RELN: variants seen among roughly 807,000 people sequenced by gnomAD.
RELN encodes reelin.
RELN carries 108 observed loss-of-function variants against 427.6 expected under a neutral mutation model. That is an observed-to-expected ratio of 0.25 (90% CI 0.22 to 0.30). The LOEUF (loss-of-function observed/expected upper bound fraction) is 0.30. Ranked by LOEUF, RELN falls within the 10% of genes least tolerant of loss-of-function variation. The probability of loss-of-function intolerance (pLI) is 1.00; values close to 1 mark genes in which losing one functional copy is unlikely to be tolerated. For synonymous variants in RELN, 1,524 were observed against 1,513.4 expected (o/e 1.01, Z -0.16); for missense variants, 3,715 against 4,302.8 (o/e 0.86, Z 3.82).
At chr7:103,604,984 C>A (rs1831782602) in intron 22 of RELN, among the ~76,000 whole-genome samples, 1 of 152,124 alleles carries the variant, frequency 6.6e-6, no homozygotes, top group Admixed American at 6.5e-5. Flanking sequence ...CACACACCAA[C>A]ATGCCTGGCT....
chr7:103,472,518 C>A lies in RELN; in HGVS notation c.*294G>T. ...TCTTAAATTTTTTGTGCTTAAATTTCATTTTTCTGTTAAACTGTTTCTTAT... is the reference window on the plus strand; with the variant it reads ...TCTTAAATTTTTTGTGCTTAAATTTAATTTTTCTGTTAAACTGTTTCTTAT... On this transcript the variant is annotated 3_prime_UTR_variant, in exon 65 of 65. Transcript: ENST00000428762. 1 of 363,558 alleles carries A rather than the reference C, an allele frequency of 2.8e-6. No individual in the cohort carries two copies. The highest frequency in any genetic ancestry group is 5.1e-6 in the Non-Finnish European group (1 of 194,718). 22.5% of individuals were successfully genotyped at this position (363,558 alleles called of 1,614,324 possible).
intron 16 of RELN, among the ~76,000 whole-genome samples, chr7:103,648,235 G>T (rs575775863): frequency 1.3e-5 from 2 of 152,114 alleles, no homozygotes; most frequent in East Asian, 3.9e-4. Context: ...CTGTTCTTGT[G>T]ATAGTGAGTT....
At chr7:103,565,196 T>A in intron 34 of RELN, 82 bp downstream of exon 34, 1 of 1,494,642 alleles carries the variant, frequency 6.7e-7, no homozygotes, top group Non-Finnish European at 9.3e-7. Flanking sequence ...AATAATAGAA[T>A]CCCCAGGCCG....
intron 27 of RELN, among the ~76,000 whole-genome samples, chr7:103,590,645 T>C (rs1412054475): frequency 6.6e-6 from 1 of 151,862 alleles, no homozygotes; most frequent in African/African-American, 2.4e-5. Flanking sequence ...AGCTGAGTGT[T>C]TATCACAGCA....
chr7:103,662,182 G>A (rs11975158), intron 11 of RELN, among the ~76,000 whole-genome samples: 4,041 of 152,202 alleles, frequency 0.027, 194 homozygotes, highest in African/African-American at 0.093. Context: ...CCCAATTTTA[G>A]ATGAAGAAAC....
chr7:103,631,715 TTAAG>T (rs1228698285), intron 19 of RELN, among the ~76,000 whole-genome samples: 6 of 152,182 alleles, frequency 3.9e-5, no homozygotes, highest in African/African-American at 1.4e-4. Context: ...TTTTGTTAAA[TTAAG>T]TATTTTAGTA....
At chr7:103,525,538 C>T (rs866090679) in intron 46 of RELN, among the ~76,000 whole-genome samples, 1 of 152,068 alleles carries the variant, frequency 6.6e-6, no homozygotes, top group Non-Finnish European at 1.5e-5. Flanking sequence ...TGTAACTCAG[C>T]GGTTTTGCTG....
At chr7:103,756,853 G>A (rs906872752) in intron 4 of RELN, among the ~76,000 whole-genome samples, 3 of 152,086 alleles carry the variant, frequency 2.0e-5, no homozygotes, top group East Asian at 1.9e-4. Flanking sequence ...TTAATGCAAG[G>A]AAAAGTACAA....
At chr7:103,559,758 G>A (rs1830602530) in intron 36 of RELN, among the ~76,000 whole-genome samples, 1 of 152,142 alleles carries the variant, frequency 6.6e-6, no homozygotes, top group Non-Finnish European at 1.5e-5. Flanking sequence ...GATTCTTTTA[G>A]AGCTCAATGC....
chr7:103,776,771 A>G, intron 3 of RELN, 144 bp from the exon 4 acceptor site: 3 of 847,944 alleles, frequency 3.5e-6, no homozygotes, highest in Non-Finnish European at 5.7e-6. Context: ...GAGTGATATA[A>G]ATAACATGGA....
intron 3 of RELN, among the ~76,000 whole-genome samples, chr7:103,829,527 T>G (rs1793225196): frequency 1.3e-5 from 2 of 151,988 alleles, no homozygotes; most frequent in African/African-American, 4.8e-5. Context: ...GAAGTAAAAT[T>G]AACACTTAAA....
At chr7:103,951,032 C>A (rs559919020) in intron 1 of RELN, among the ~76,000 whole-genome samples, 2 of 152,262 alleles carry the variant, frequency 1.3e-5, no homozygotes, top group African/African-American at 2.4e-5. Flanking sequence ...CTGGTTCAAG[C>A]GATTCCCCTA....
chr7:103,750,011 G>A (rs945626623), intron 5 of RELN, among the ~76,000 whole-genome samples: 2 of 152,072 alleles, frequency 1.3e-5, no homozygotes, highest in African/African-American at 2.4e-5. Context: ...ACAGAGTCTC[G>A]CTCTGTTGCC....
intron 57 of RELN, among the ~76,000 whole-genome samples, chr7:103,494,703 TTC>T (rs1828780931): frequency 6.6e-6 from 1 of 151,914 alleles, no homozygotes; most frequent in South Asian, 2.1e-4. Flanking sequence ...TGCTTTGCCT[TTC>T]TCTGAGTGTC....
At chr7:103,665,176 A>C (rs1018862608) in intron 11 of RELN, among the ~76,000 whole-genome samples, 1 of 152,080 alleles carries the variant, frequency 6.6e-6, no homozygotes, top group Admixed American at 6.6e-5. Context: ...TTATTCCAGA[A>C]CTGTTAACCG....
chr7:103,768,939 A>G (rs971886483), intron 4 of RELN, among the ~76,000 whole-genome samples: 7 of 152,190 alleles, frequency 4.6e-5, no homozygotes, highest in African/African-American at 1.7e-4. Flanking sequence ...AATGTGTGCT[A>G]TCTCTTTACA....
At chr7:103,525,701 T>C (rs1177863947) in intron 46 of RELN, among the ~76,000 whole-genome samples, 1 of 152,122 alleles carries the variant, frequency 6.6e-6, no homozygotes, top group Non-Finnish European at 1.5e-5. Flanking sequence ...TTCTGTTTTT[T>C]TTTTTTTTAG....
chr7:103,504,160 C>T (rs76927243), intron 51 of RELN, among the ~76,000 whole-genome samples: 8,024 of 152,182 alleles, frequency 0.053, 250 homozygotes, highest in South Asian at 0.11. Flanking sequence ...ACCAAGATTA[C>T]GCCACTGCAC....
chr7:103,639,311 A>G (rs1832648437), intron 17 of RELN, among the ~76,000 whole-genome samples: 1 of 152,274 alleles, frequency 6.6e-6, no homozygotes, highest in Non-Finnish European at 1.5e-5. Context: ...AAATTCACTG[A>G]AATATAGTTA....
Sources: allele counts gnomAD v4.1 joint callset (sites outside exome capture counted in the v4.1 genomes callset), GRCh38; gene constraint gnomAD v4.1.1; transcripts MANE v1.5; gene names NCBI Gene and HGNC (gene_info 2026-07-23, HGNC 2026-07-21).